TNK2: variants seen among roughly 807,000 people sequenced by gnomAD.
The protein encoded by TNK2 is tyrosine kinase non receptor 2.
A neutral mutation model predicts 101.8 loss-of-function variants in TNK2; 83 were observed. That is an observed-to-expected ratio of 0.82 (90% CI 0.68 to 0.98). The LOEUF (loss-of-function observed/expected upper bound fraction) is 0.98. TNK2 is among the 50% of genes least tolerant of loss of function. The pLI, the probability that TNK2 is intolerant of heterozygous loss-of-function variation, is 0.00. For missense variants in TNK2, 1,665 were observed against 1,483.2 expected (o/e 1.12, Z -2.01); for synonymous variants, 804 against 633.0 (o/e 1.27, Z -4.06).
At chr3:195,907,304 G>A (rs890486310) in intron 1 of TNK2, among the ~76,000 whole-genome samples, 6 of 152,226 alleles carry the variant, frequency 3.9e-5, no homozygotes, top group African/African-American at 1.2e-4. Context: ...TGACAGGCGG[G>A]TTTGAGTTTG....
intron 4 of TNK2, chr3:195,884,106 C>A (rs1373738403): frequency 6.6e-6 from 1 of 152,192 alleles, no homozygotes; most frequent in Non-Finnish European, 1.5e-5. Flanking sequence ...GCTGTGGTGA[C>A]ACGTTATCCC....
chr3:195,892,773 T>C (rs1408181470), intron 1 of TNK2: 1 of 1,223,532 alleles, frequency 8.2e-7, no homozygotes, highest in Non-Finnish European at 1.0e-6. Context: ...CTCCCCGGCT[T>C]CCCCACCCAA....
At chr3:195,884,771 T>C (rs1242281349) in intron 4 of TNK2, 41 bp downstream of exon 4, 1 of 1,555,412 alleles carries the variant, frequency 6.4e-7, no homozygotes. Context: ...CAGCCCCGGG[T>C]CCCATGCCTC....
At chr3:195,872,189 G>A (rs900030495) in intron 10 of TNK2, 87 bp downstream of exon 10, 26 of 1,438,228 alleles carry the variant, frequency 1.8e-5, no homozygotes, top group Non-Finnish European at 2.4e-5. Flanking sequence ...AAAGGGTGAA[G>A]AGCAGATTCC....
Position 195,895,559 on chromosome 3 carries a change from T to G in TNK2, c.-18-6953A>C, listed in dbSNP as rs936728145. The G allele has an allele frequency of 3.0e-6, 4 of 1,317,666 alleles. No individual in the cohort carries two copies. The African/African-American group carries it at 6.2e-5, about 20-fold the overall frequency. 81.6% of individuals were successfully genotyped at this position (1,317,666 alleles called of 1,614,324 possible). On this transcript the variant is annotated intron_variant, in intron 1 of 15. Transcript: ENST00000672887. The stretch of plus-strand genomic sequence containing the variant: ...GCCCGTCCCAGCTCCGTTCCTCCTC[T>G]CCGGGGCGCGGCTCCCACCCTCTCC...
chr3:195,879,094 C>T lies in TNK2; in HGVS notation c.969G>A (p.Met323Ile), dbSNP rs1751021166. 6.2e-7 allele frequency: 1 copy of T among 1,613,896 alleles called. No individual in the cohort carries two copies. Among genetic ancestry groups the T allele is most frequent in the Non-Finnish European group, 8.5e-7 (1 of 1,180,000 alleles). ...TWMFGVTLWE[M>I]FTYGQEPWIG... is the part of the protein sequence containing the mutation. ...TCCAGGGCTCCTGGCCGTAGGTGAA[C>T]ATTTCCCACAGTGTCACCCCGAACA... The change falls in exon 7 of 16, where the codon ATG becomes ATA. Residue 323 changes from methionine (M) to isoleucine (I), a missense_variant. Coordinates refer to ENST00000672887, the MANE Select transcript of TNK2 (RefSeq NM_001382273.1).
chr3:195,885,382 C>T lies in TNK2; in HGVS notation c.235-349G>A. The T allele has an allele frequency of 7.4e-7, 1 of 1,354,068 alleles. No individual in the cohort carries two copies. Among genetic ancestry groups the T allele is most frequent in the Middle Eastern group, 2.5e-4 (1 of 3,960 alleles). The allele number at this position is 1,354,068 out of a possible 1,614,324, so 83.9% of individuals were successfully genotyped here. A position where few individuals can be genotyped will look rare whatever the true frequency, so the allele number is the denominator to read the frequency against. ...AGTCCTGCCCCACCCTCCCTTCCTG[C>T]ACCCGCCACCCCGCAGACTCCAGCC... On this transcript the variant is annotated intron_variant, in intron 3 of 15. Coordinates refer to ENST00000672887, the MANE Select transcript of TNK2 (RefSeq NM_001382273.1). This position sits in a 1 kb window ranked among gnomAD's most constrained non-coding sequence, Gnocchi z 4.7.
chr3:195,896,974 C>T (rs551696255), intron 1 of TNK2, among the ~76,000 whole-genome samples: 2 of 152,306 alleles, frequency 1.3e-5, no homozygotes, highest in African/African-American at 4.8e-5. Context: ...AACAATCTAC[C>T]GTATTCTCAG....
At position 195,878,138 on chromosome 3, in the gene TNK2, G is replaced by C. The variant is rs926680878; in HGVS notation, c.1256+115C>G. The C allele has an allele frequency of 5.3e-6, 6 of 1,124,026 alleles. No homozygotes were observed. The highest frequency in any genetic ancestry group is 3.1e-5 in the African/African-American group (2 of 65,564). 69.6% of individuals were successfully genotyped at this position (1,124,026 alleles called of 1,614,324 possible). On this transcript the variant is annotated intron_variant, in intron 9 of 15. Coordinates refer to ENST00000672887, the MANE Select transcript of TNK2 (RefSeq NM_001382273.1). The surrounding 1 kb of genome is among the most constrained non-coding windows in gnomAD (Gnocchi z 4.7). ...CACACTGCAGGGTTCAGGCCCAACC[G>C]CCAGCCTGTATGTGGCCAAGGGAAT... is the stretch of plus-strand genomic sequence containing the variant.
At chr3:195,902,756 T>C (rs1761345122) in intron 1 of TNK2, among the ~76,000 whole-genome samples, 1 of 151,218 alleles carries the variant, frequency 6.6e-6, no homozygotes, top group African/African-American at 2.4e-5. Context: ...TTTTTTTGTT[T>C]TGTTTTGTCT....
chr3:195,881,619 C>G (rs1395945388), intron 6 of TNK2, among the ~76,000 whole-genome samples: 3 of 73,774 alleles, frequency 4.1e-5, no homozygotes, highest in African/African-American at 7.4e-5. Context: ...GAGGACACAG[C>G]ATCTATCCTT....
At position 195,886,611 on chromosome 3, in the gene TNK2, G is replaced by A. The variant is rs1306883439; in HGVS notation, c.234+366C>T. ...GGGAGGAGGGAAGCCAAGCAAAGAC[G>A]TTCTGGGTCCAGACAGGTCCACCAC... On this transcript the variant is annotated intron_variant, in intron 3 of 15. Transcript: ENST00000672887. This position sits in a 1 kb window ranked among gnomAD's most constrained non-coding sequence, Gnocchi z 4.2. 6.6e-6 allele frequency among the ~76,000 whole-genome samples: 1 copy of A among 152,100 alleles called. No homozygotes were observed. The highest frequency in any genetic ancestry group is 1.5e-5 in the Non-Finnish European group (1 of 68,014).
chr3:195,887,806 G>T (rs551048028), intron 2 of TNK2, among the ~76,000 whole-genome samples: 2 of 149,368 alleles, frequency 1.3e-5, no homozygotes, highest in African/African-American at 5.0e-5. Flanking sequence ...TGTGTATGCC[G>T]TGCGTGTGCA....
chr3:195,876,528 G>A (rs1391399780), intron 9 of TNK2: 2 of 456,746 alleles, frequency 4.4e-6, no homozygotes, highest in East Asian at 7.0e-5. Flanking sequence ...CAAGGGGGCA[G>A]AGTCAAGCTC....
In TNK2 at chr3:195,887,830, A is replaced by G. The variant is rs534886913; in HGVS notation, c.163+596T>C. Among the ~76,000 whole-genome samples, 31 of 122,430 alleles carry G rather than the reference A, an allele frequency of 2.5e-4. No individual in the cohort carries two copies. In the East Asian group the frequency reaches 3.3e-3, roughly 13 times the overall value. The allele number at this position is 122,430 out of a possible 152,430, so 80.3% of individuals were successfully genotyped here. A position where few individuals can be genotyped will look rare whatever the true frequency, so the allele number is the denominator to read the frequency against. ...CGTGCGTGTGCATGCGGGTGTGCGC[A>G]CACACGTGTGTGTGTGTGTGCGTGT... is the stretch of plus-strand genomic sequence containing the variant. On this transcript the variant is annotated intron_variant, in intron 2 of 15. Transcript: ENST00000672887.
At position 195,888,603 on chromosome 3, in the gene TNK2, G is replaced by T; in HGVS notation, c.-15C>A. 1.2e-6 allele frequency: 2 copies of T among 1,607,754 alleles called. No individual in the cohort carries two copies. ...TCTGGCTGCATTCTGCCGCCTCCCA[G>T]CCTCTGTGGGGGGAGGAGTGGCTCA... On this transcript the variant is annotated 5_prime_UTR_variant, in exon 2 of 16. In the 5' UTR this introduces an upstream ATG that the reference lacks. Coordinates refer to ENST00000672887, the MANE Select transcript of TNK2 (RefSeq NM_001382273.1). This position sits in a 1 kb window ranked among gnomAD's most constrained non-coding sequence, Gnocchi z 5.3.
intron 2 of TNK2, among the ~76,000 whole-genome samples, chr3:195,887,308 C>T (rs1020710467): frequency 6.6e-6 from 1 of 152,234 alleles, no homozygotes; most frequent in Admixed American, 6.5e-5. Flanking sequence ...CAGGAAAAAT[C>T]AAGGTAATGA....
At chr3:195,881,787 G>C (rs187792283) in intron 6 of TNK2, among the ~76,000 whole-genome samples, 1 of 147,880 alleles carries the variant, frequency 6.8e-6, no homozygotes, top group African/African-American at 2.5e-5. Context: ...ATCTATCCCC[G>C]TATCACCCCA....
intron 2 of TNK2, 50 bp from the exon 3 acceptor site, chr3:195,887,097 G>A: frequency 6.3e-7 from 1 of 1,594,574 alleles, no homozygotes; most frequent in Non-Finnish European, 8.6e-7. Flanking sequence ...CGTAGCCCGA[G>A]AGAGGCTGCT....
Sources: allele counts gnomAD v4.1 joint callset (sites outside exome capture counted in the v4.1 genomes callset), GRCh38; gene constraint gnomAD v4.1.1; non-coding constraint Gnocchi (gnomAD v3.1); transcripts MANE v1.5; gene names NCBI Gene and HGNC (gene_info 2026-07-23, HGNC 2026-07-21).